Variants in ARHGEF12 observed in about 807,000 individuals in gnomAD.
ARHGEF12 encodes the protein KMT2A/ARHGEF12 fusion protein.
ARHGEF12 carries 66 observed loss-of-function variants against 211.2 expected under a neutral mutation model. The ratio of observed to expected loss-of-function variants is 0.31; its 90% CI spans 0.26 to 0.38. The LOEUF is 0.38. Ranked by LOEUF, ARHGEF12 falls within the 10% of genes least tolerant of loss-of-function variation. The pLI, the probability that ARHGEF12 is intolerant of heterozygous loss-of-function variation, is 1.00. For missense variants in ARHGEF12, 1,429 were observed against 1,869.5 expected, an observed-to-expected ratio of 0.76 and a Z score of 4.34; for synonymous variants, 592 against 638.4, an observed-to-expected ratio of 0.93 and a Z score of 1.09.
chr11:120,431,490 AC>A (rs1212402909), intron 10 of ARHGEF12, among the ~76,000 whole-genome samples: 1 of 152,102 alleles, frequency 6.6e-6, no homozygotes, highest in East Asian at 1.9e-4. Context: ...AAATTAACAA[AC>A]CATTTTATCT....
intron 1 of ARHGEF12, among the ~76,000 whole-genome samples, chr11:120,369,116 T>C (rs1411906581): frequency 6.6e-6 from 1 of 151,412 alleles, no homozygotes; most frequent in Non-Finnish European, 1.5e-5. Flanking sequence ...TCTCAAATCT[T>C]CTTTTCTTCT....
At chr11:120,480,625 T>C (rs1053844045) in intron 38 of ARHGEF12, among the ~76,000 whole-genome samples, 195 bp downstream of exon 38, 48 of 152,262 alleles carry the variant, frequency 3.2e-4, no homozygotes, top group African/African-American at 1.0e-3. Context: ...CTGGGAGATA[T>C]AGCAGTGAAT....
intron 1 of ARHGEF12, among the ~76,000 whole-genome samples, chr11:120,362,048 G>A (rs1171317124): frequency 6.6e-6 from 1 of 152,204 alleles, no homozygotes; most frequent in Non-Finnish European, 1.5e-5. Flanking sequence ...GCATGTGAAT[G>A]ATAGTGCTAG....
chr11:120,387,102 A>G (rs1016424978), intron 1 of ARHGEF12, among the ~76,000 whole-genome samples: 7 of 152,134 alleles, frequency 4.6e-5, no homozygotes, highest in Non-Finnish European at 7.4e-5. Context: ...GGACTAGGCA[A>G]CCTTGGTTCA....
intron 1 of ARHGEF12, among the ~76,000 whole-genome samples, chr11:120,382,688 C>T (rs1214144484): frequency 6.6e-6 from 1 of 152,218 alleles, no homozygotes; most frequent in Non-Finnish European, 1.5e-5. Context: ...ATTTCTCTCT[C>T]TCTCTCATTG....
chr11:120,406,644 C>T (rs1050350081), intron 2 of ARHGEF12, among the ~76,000 whole-genome samples: 2 of 152,104 alleles, frequency 1.3e-5, no homozygotes, highest in East Asian at 1.9e-4. Context: ...CTGCAAGCAC[C>T]GCCTCCCGGG....
chr11:120,344,265 CAAAAAAAAAAAAAAAAAA>C (rs71473103), intron 1 of ARHGEF12, among the ~76,000 whole-genome samples: 1 of 53,014 alleles, frequency 1.9e-5, no homozygotes, highest in Non-Finnish European at 3.3e-5. Flanking sequence ...GACTCCGTCT[CAAAAAAAAAAAAAAAAAA>C]AAAAAAAAAA....
At chr11:120,478,576 C>A (rs531405946) in intron 37 of ARHGEF12, among the ~76,000 whole-genome samples, 187 bp downstream of exon 37, 3 of 152,304 alleles carry the variant, frequency 2.0e-5, no homozygotes, top group East Asian at 3.9e-4. Flanking sequence ...TCCCCACCCC[C>A]CTGCCTGGTT....
At chr11:120,337,334 A>G (rs1942381480) in intron 1 of ARHGEF12, 59 bp downstream of exon 1, 1 of 1,611,072 alleles carries the variant, frequency 6.2e-7, no homozygotes, top group African/African-American at 1.3e-5. Flanking sequence ...CTAGCAGGGG[A>G]GTCGGTGATT....
At chr11:120,446,892 C>T in intron 17 of ARHGEF12, 56 bp from the exon 18 acceptor site, 1 of 1,576,356 alleles carries the variant, frequency 6.3e-7, no homozygotes, top group Middle Eastern at 1.7e-4. Flanking sequence ...GAAGCGTCCC[C>T]AGAATGAGGT....
intron 39 of ARHGEF12, among the ~76,000 whole-genome samples, 190 bp downstream of exon 39, chr11:120,481,766 T>G (rs1947245377): frequency 6.7e-6 from 1 of 150,284 alleles, no homozygotes; most frequent in Non-Finnish European, 1.5e-5. Context: ...CTTTCTTTTT[T>G]TTTTTTTTTT....
At chr11:120,342,829 T>C (rs960925088) in intron 1 of ARHGEF12, among the ~76,000 whole-genome samples, 2 of 152,236 alleles carry the variant, frequency 1.3e-5, no homozygotes, top group Admixed American at 6.5e-5. Context: ...TTATCAATTC[T>C]ATGACAAAAG....
intron 1 of ARHGEF12, among the ~76,000 whole-genome samples, chr11:120,373,143 G>A (rs992654303): frequency 1.3e-5 from 2 of 152,038 alleles, no homozygotes; most frequent in African/African-American, 4.8e-5. Context: ...CCTGTTACCA[G>A]CTTTAGTAAT....
chr11:120,484,639 A>G, intron 40 of ARHGEF12, 132 bp downstream of exon 40: 1 of 817,046 alleles, frequency 1.2e-6, no homozygotes, highest in South Asian at 1.8e-5. Flanking sequence ...GCCTGTTTCT[A>G]AACATCAGAT....
At chr11:120,409,351 C>T (rs1944813732) in intron 3 of ARHGEF12, 43 bp from the exon 4 acceptor site, 9 of 1,599,708 alleles carry the variant, frequency 5.6e-6, no homozygotes, top group South Asian at 1.1e-5. Flanking sequence ...ACATTGTCTC[C>T]ATATTTTCTA....
rs1327440169 is a variant in ARHGEF12, at chr11:120,407,854, T to C, written c.142+31T>C. The C allele has an allele frequency of 9.5e-6, 15 of 1,576,380 alleles. No homozygotes were observed. In the Admixed American group the frequency reaches 2.3e-4, roughly 25 times the overall value. On this transcript the variant is annotated intron_variant, in intron 3 of 40. Coordinates refer to ENST00000397843, the MANE Select transcript of ARHGEF12 (RefSeq NM_015313.3). ...ACACTATTCATTCTTTCAAAGAGTA[T>C]TGAGAGTAGTGAAGTTCAGAATAAT...
intron 6 of ARHGEF12, among the ~76,000 whole-genome samples, chr11:120,423,038 T>G (rs1289449013): frequency 6.6e-6 from 1 of 152,102 alleles, no homozygotes; most frequent in Non-Finnish European, 1.5e-5. Flanking sequence ...ATCCTTAAAT[T>G]TAAAGAACAC....
chr11:120,429,565 T>C, intron 9 of ARHGEF12, 48 bp downstream of exon 9: 1 of 1,591,166 alleles, frequency 6.3e-7, no homozygotes, highest in Non-Finnish European at 8.6e-7. Flanking sequence ...AAAATGTGAG[T>C]GGGCATGGTT....
rs370081386 is a variant in ARHGEF12 at position 120,483,133 on chromosome 11, A to AT, written c.4555-1299dup. Among the ~76,000 whole-genome samples the AT allele has an allele frequency of 4.9e-4, 74 of 151,984 alleles. 1 individual carries two copies. Among genetic ancestry groups the AT allele is most frequent in the Middle Eastern group, 6.8e-3 (2 of 294 alleles). ...ATAGAATATATCTTTATTTACATAG[A>AT]TTTTTTCATATGGAAAGCCAAATCT... On this transcript the variant is annotated intron_variant, in intron 39 of 40. Transcript: ENST00000397843.
Sources: allele counts gnomAD v4.1 joint callset (sites outside exome capture counted in the v4.1 genomes callset), GRCh38; gene constraint gnomAD v4.1.1; transcripts MANE v1.5; gene names NCBI Gene and HGNC (gene_info 2026-07-23, HGNC 2026-07-21).